Variants in PRKCA observed in about 807,000 individuals in gnomAD.
PRKCA encodes the protein protein kinase C alpha type.
Under a neutral mutation model 87.0 loss-of-function variants are expected in PRKCA, and 27 were observed. The ratio of observed to expected loss-of-function variants is 0.31; its 90% CI spans 0.23 to 0.43. The LOEUF (loss-of-function observed/expected upper bound fraction) is 0.43, where lower values mean the gene tolerates loss of function less well. Among genes scored for constraint, PRKCA ranks in the 20% least tolerant of loss-of-function variants. The pLI is 1.00. For synonymous variants in PRKCA, 329 were observed against 311.1 expected (o/e 1.06, Z -0.61); for missense variants, 518 against 852.3 (o/e 0.61, Z 4.88).
chr17:66,796,792 C>T (rs998776839), intron 16 of PRKCA: 6 of 985,198 alleles, frequency 6.1e-6, no homozygotes, highest in Admixed American at 6.2e-5. Flanking sequence ...GGTGGCGATG[C>T]GGTTGCTAAG....
At chr17:66,463,537 A>G (rs1168769670) in intron 2 of PRKCA, among the ~76,000 whole-genome samples, 1 of 152,042 alleles carries the variant, frequency 6.6e-6, no homozygotes, top group African/African-American at 2.4e-5. Context: ...CTGAGATTAC[A>G]GGCATGTGCC....
At chr17:66,377,721 A>ATTTTTTTTT (rs1229084236) in intron 2 of PRKCA, among the ~76,000 whole-genome samples, 8 of 69,150 alleles carry the variant, frequency 1.2e-4, no homozygotes, top group Admixed American at 2.8e-4. Flanking sequence ...ATATATATAT[A>ATTTTTTTTT]TTTTTTTTTT....
intron 2 of PRKCA, among the ~76,000 whole-genome samples, chr17:66,403,271 A>G (rs554212329): frequency 6.6e-6 from 1 of 152,314 alleles, no homozygotes; most frequent in East Asian, 1.9e-4. Context: ...TCTGAAATAT[A>G]CCTGGTTTCC....
intron 3 of PRKCA, among the ~76,000 whole-genome samples, chr17:66,562,123 TATATATAATTAAATTATATATATAATTA>T (rs1968715117): frequency 6.3e-5 from 2 of 31,776 alleles, no homozygotes; most frequent in African/African-American, 3.0e-4. Flanking sequence ...TATAATTAAA[TATATATAATTAAATTATATATATAATTA>T]AATTATATAT....
intron 2 of PRKCA, among the ~76,000 whole-genome samples, chr17:66,439,145 G>C (rs188963475): frequency 6.6e-6 from 1 of 151,956 alleles, no homozygotes; most frequent in Non-Finnish European, 1.5e-5. Context: ...CCAACAGCCT[G>C]TACTACATTA....
At chr17:66,527,097 T>A (rs766925942) in intron 3 of PRKCA, among the ~76,000 whole-genome samples, 3 of 152,012 alleles carry the variant, frequency 2.0e-5, no homozygotes, top group Admixed American at 1.3e-4. Context: ...GCCTGCAGAG[T>A]TGAAAACATT....
intron 5 of PRKCA, among the ~76,000 whole-genome samples, chr17:66,653,884 A>G (rs1200683774): frequency 6.6e-6 from 1 of 152,014 alleles, no homozygotes; most frequent in Non-Finnish European, 1.5e-5. Flanking sequence ...ACTGGTAGAG[A>G]AAAGTCCATA....
At chr17:66,733,773 C>G (rs1038865930) in intron 9 of PRKCA, among the ~76,000 whole-genome samples, 4 of 152,108 alleles carry the variant, frequency 2.6e-5, no homozygotes. Context: ...GCCTGGGCAA[C>G]AGAGGGAGAC....
At chr17:66,698,978 A>T (rs994908774) in intron 8 of PRKCA, among the ~76,000 whole-genome samples, 2 of 148,504 alleles carry the variant, frequency 1.3e-5, no homozygotes, top group Non-Finnish European at 3.0e-5. Flanking sequence ...AGACTGTCTT[A>T]AAAAAAAGAA....
At chr17:66,465,879 T>C (rs1229494922) in intron 2 of PRKCA, among the ~76,000 whole-genome samples, 1 of 152,228 alleles carries the variant, frequency 6.6e-6, no homozygotes, top group African/African-American at 2.4e-5. Flanking sequence ...TATTTGCATG[T>C]ACTTTCTTTC....
At chr17:66,423,865 C>T (rs77401939) in intron 2 of PRKCA, among the ~76,000 whole-genome samples, 8,971 of 152,116 alleles carry the variant, frequency 0.059, 380 homozygotes, top group South Asian at 0.11. Context: ...TTGGAGACAG[C>T]AGTATGTGGC....
chr17:66,627,923 C>T (rs1414425282), intron 3 of PRKCA, among the ~76,000 whole-genome samples: 5 of 152,140 alleles, frequency 3.3e-5, no homozygotes, highest in Non-Finnish European at 2.9e-5. Context: ...TTGCTACAAT[C>T]GAAGAGAAGA....
At chr17:66,527,601 C>G (rs752098557) in intron 3 of PRKCA, among the ~76,000 whole-genome samples, 2 of 152,246 alleles carry the variant, frequency 1.3e-5, no homozygotes, top group Non-Finnish European at 2.9e-5. Context: ...AGACCTTTGT[C>G]TGCTCAAACC....
At chr17:66,516,631 TA>T (rs60081754) in intron 3 of PRKCA, among the ~76,000 whole-genome samples, 63 of 144,724 alleles carry the variant, frequency 4.4e-4, no homozygotes, top group Middle Eastern at 3.7e-3. Context: ...AGACTCTGTC[TA>T]AAAAAAAAAA....
intron 13 of PRKCA, among the ~76,000 whole-genome samples, chr17:66,747,616 C>T (rs542241081): frequency 1.3e-5 from 2 of 152,266 alleles, no homozygotes; most frequent in African/African-American, 2.4e-5. Flanking sequence ...GACCGGAGCC[C>T]GTACGTTCTT....
chr17:66,455,095 C>G (rs895257969), intron 2 of PRKCA, among the ~76,000 whole-genome samples: 1 of 152,170 alleles, frequency 6.6e-6, no homozygotes, highest in Non-Finnish European at 1.5e-5. Context: ...TTATTTTTCC[C>G]AGATGAGGAA....
intron 3 of PRKCA, among the ~76,000 whole-genome samples, chr17:66,566,314 C>G (rs941431328): frequency 1.3e-5 from 2 of 152,052 alleles, no homozygotes; most frequent in Admixed American, 1.3e-4. Flanking sequence ...GAGGTTTTAT[C>G]AGTCCAGAAG....
intron 11 of PRKCA, among the ~76,000 whole-genome samples, 187 bp from the exon 12 acceptor site, chr17:66,741,472 A>T (rs992580888): frequency 2.6e-5 from 4 of 152,212 alleles, no homozygotes; most frequent in Non-Finnish European, 5.9e-5. Flanking sequence ...TAGCTGTCTC[A>T]TTCACGGATA....
intron 13 of PRKCA, among the ~76,000 whole-genome samples, chr17:66,769,549 C>T (rs1219442326): frequency 6.6e-6 from 1 of 152,164 alleles, no homozygotes; most frequent in Non-Finnish European, 1.5e-5. Flanking sequence ...ATCTTGAGAA[C>T]AGTGTGGCCT....
Sources: allele counts gnomAD v4.1 joint callset (sites outside exome capture counted in the v4.1 genomes callset), GRCh38; gene constraint gnomAD v4.1.1; transcripts MANE v1.5; gene names NCBI Gene and HGNC (gene_info 2026-07-23, HGNC 2026-07-21).